TBC1D9B: variants seen among roughly 807,000 people sequenced by gnomAD.
The protein encoded by TBC1D9B is TBC1 domain family member 9B.
In TBC1D9B, 87 loss-of-function variants were observed where a neutral mutation model predicts 121.1. The ratio of observed to expected loss-of-function variants is 0.72; its 90% confidence interval spans 0.60 to 0.86. TBC1D9B has a LOEUF of 0.86. Among genes scored for constraint, TBC1D9B ranks in the 40% least tolerant of loss-of-function variants. TBC1D9B has a pLI of 0.00. For synonymous variants in TBC1D9B, 668 were observed against 670.1 expected (o/e 1.00, Z 0.05); for missense variants, 1,540 against 1,628.6 (o/e 0.95, Z 0.94).
At position 179,875,010 on chromosome 5, in the gene TBC1D9B, T is replaced by C. The variant is rs201063581; in HGVS notation, c.2078A>G (p.Tyr693Cys). 1.5e-5 allele frequency: 24 copies of C among 1,613,872 alleles called. No individual in the cohort carries two copies. The highest frequency in any genetic ancestry group is 2.7e-5 in the African/African-American group (2 of 75,002). The part of the protein sequence containing the change: ...SAVVIVDCFF[Y>C]EGIKVILQVA... Reference sequence around the variant, plus strand: ...CTGCAGGATCACCTTGATGCCCTCATAGAAAAAGCAGTCGACGATGACCAC... The same window carrying C: ...CTGCAGGATCACCTTGATGCCCTCACAGAAAAAGCAGTCGACGATGACCAC... Residue 693 changes from tyrosine (Y) to cysteine (C), a missense_variant, in exon 12 of 21, where the codon TAT becomes TGT. By Grantham distance (194) the Tyr-to-Cys change is radical (BLOSUM62 -2). Coordinates refer to ENST00000355235, the MANE Select transcript of TBC1D9B (RefSeq NM_015043.4). The surrounding 1 kb of genome is among the most constrained non-coding windows in gnomAD (Gnocchi z 4.5).
At chr5:179,897,442 C>T (rs769444228) in intron 3 of TBC1D9B, among the ~76,000 whole-genome samples, 5 of 151,950 alleles carry the variant, frequency 3.3e-5, no homozygotes, top group South Asian at 2.1e-4. Context: ...TCTTCCATTC[C>T]GAGTAGCTGG....
chr5:179,897,973 C>A (rs1761063135), intron 3 of TBC1D9B, among the ~76,000 whole-genome samples: 1 of 152,168 alleles, frequency 6.6e-6, no homozygotes. Context: ...CTGGTAAGAG[C>A]CCTCCCATGA....
At chr5:179,871,696 G>A (rs1186636202) in intron 14 of TBC1D9B, 166 bp from the exon 15 acceptor site, 15 of 632,370 alleles carry the variant, frequency 2.4e-5, no homozygotes, top group Non-Finnish European at 3.8e-5. Context: ...GAGGCCCACA[G>A]CCCATCCCTG....
chr5:179,870,252 C>A lies in TBC1D9B; in HGVS notation c.2725+3G>T. On this transcript the variant is annotated splice_donor_region_variant and intron_variant, in intron 16 of 20. Coordinates refer to ENST00000355235, the MANE Select transcript of TBC1D9B (RefSeq NM_015043.4). ...GCCCCTGGTAGGCCCTGCAGGCACT[C>A]ACTCATCCCTGTCACGAACTCCTTG... is the stretch of plus-strand genomic sequence containing the variant. 2 of 1,613,776 alleles carry A rather than the reference C, an allele frequency of 1.2e-6. No homozygotes were observed. The highest frequency in any genetic ancestry group is 1.1e-5 in the South Asian group (1 of 91,050).
At chr5:179,899,354 G>A (rs1761108276) in intron 2 of TBC1D9B, 47 bp from the exon 3 acceptor site, 1 of 1,510,082 alleles carries the variant, frequency 6.6e-7, no homozygotes, top group Non-Finnish European at 9.2e-7. Context: ...AATTCCCCAG[G>A]CCTTAAACGC....
rs1354823407 is a variant in TBC1D9B at position 179,870,270 on chromosome 5, A to G, written c.2710T>C (p.Phe904Leu). The change falls in exon 16 of 21, where the codon TTC becomes CTC. Residue 904 changes from phenylalanine to leucine, a missense_variant. By Grantham distance (22) the Phe-to-Leu change is conservative (BLOSUM62 0). Coordinates refer to ENST00000355235, the MANE Select transcript of TBC1D9B (RefSeq NM_015043.4). ...AGGCACTCACTCATCCCTGTCACGAACTCCTTGAAGTTGATCAGCGAGTCC... is the reference window on the plus strand; with the variant it reads ...AGGCACTCACTCATCCCTGTCACGAGCTCCTTGAAGTTGATCAGCGAGTCC... ...NKDSLINFKE[F>L]VTGMSGMYHG... The G allele has an allele frequency of 6.2e-7, 1 of 1,613,720 alleles. No individual in the cohort carries two copies. Among genetic ancestry groups the G allele is most frequent in the Non-Finnish European group, 8.5e-7 (1 of 1,179,980 alleles).
In TBC1D9B at chr5:179,864,011, C is replaced by A; in HGVS notation, c.3139G>T (p.Val1047Leu). ...VASLLLRIGEVGKKFSARTGR... is the reference protein window; with the variant it reads ...VASLLLRIGELGKKFSARTGR... ...GTGCGGGCTGAGAACTTCTTCCCCACCTCTCCGATGCGGAGCAGGAGGCTG... is the reference window on the plus strand; with the variant it reads ...GTGCGGGCTGAGAACTTCTTCCCCAACTCTCCGATGCGGAGCAGGAGGCTG... The change falls in exon 21 of 21, where the codon GTG becomes TTG. Residue 1047 changes from valine to leucine, a missense_variant. Transcript: ENST00000355235. 6.2e-7 allele frequency: 1 copy of A among 1,613,816 alleles called. No individual in the cohort carries two copies. The highest frequency in any genetic ancestry group is 8.5e-7 in the Non-Finnish European group (1 of 1,180,038).
chr5:179,870,454 T>C lies in TBC1D9B; in HGVS notation c.2526A>G (p.Thr842=). Residue 842 remains threonine, a synonymous_variant, in exon 16 of 21, where the codon ACA becomes ACG. Coordinates refer to ENST00000355235, the MANE Select transcript of TBC1D9B (RefSeq NM_015043.4). The part of the protein sequence containing the change: ...LASQYWGCSR[T]MAGRRDPSLP... The stretch of plus-strand genomic sequence containing the variant: ...GGCTGGGGTCCCGACGGCCGGCCAT[T>C]GTGCGGCTGCACCCCCAGTACTGGC... 1 of 1,612,738 alleles carries C rather than the reference T, an allele frequency of 6.2e-7. No individual in the cohort carries two copies.
chr5:179,888,282 T>C lies in TBC1D9B; in HGVS notation c.1075A>G (p.Ser359Gly), dbSNP rs1361619063. The change falls in exon 7 of 21, where the codon AGC becomes GGC. Residue 359 changes from serine (S) to glycine (G), a missense_variant. Coordinates refer to ENST00000355235, the MANE Select transcript of TBC1D9B (RefSeq NM_015043.4). ...ATGGACAGGGGGCTGGGCAGCACGC[T>C]GGAGCTGTCAGCTTTTTCGACAATG... is the stretch of plus-strand genomic sequence containing the variant. ...VTIVEKADSSSVLPSPLSIST... is the reference protein window; with the variant it reads ...VTIVEKADSSGVLPSPLSIST... The C allele has an allele frequency of 2.5e-6, 4 of 1,610,482 alleles. No homozygotes were observed. Among genetic ancestry groups the C allele is most frequent in the Non-Finnish European group, 3.4e-6 (4 of 1,179,138 alleles).
intron 2 of TBC1D9B, among the ~76,000 whole-genome samples, chr5:179,901,601 A>G (rs956853265): frequency 2.6e-5 from 4 of 152,118 alleles, no homozygotes; most frequent in Non-Finnish European, 2.9e-5. Flanking sequence ...TCTGGGCAAC[A>G]TGGCTGTCTC....
At position 179,879,650 on chromosome 5, in the gene TBC1D9B, A is replaced by G. The variant is rs928916579; in HGVS notation, c.1394T>C (p.Met465Thr). ...CACCCCCTTGGCTCCAAGGTCCTCC[A>G]TGGGCGAGTTTTTCTGGAAGAGCTT... ...LLKLFQKNSP[M>T]EDLGAKGAKE... Residue 465 changes from methionine (M) to threonine (T), a missense_variant, in exon 8 of 21, where the codon ATG becomes ACG. Physicochemically the swap from Met to Thr is moderately conservative, Grantham distance 81. Transcript: ENST00000355235. The G allele has an allele frequency of 6.2e-7, 1 of 1,614,012 alleles. No homozygotes were observed. Among genetic ancestry groups the G allele is most frequent in the Non-Finnish European group, 8.5e-7 (1 of 1,179,940 alleles).
chr5:179,872,835 G>A, intron 14 of TBC1D9B, 57 bp downstream of exon 14: 1 of 1,561,792 alleles, frequency 6.4e-7, no homozygotes, highest in Non-Finnish European at 8.8e-7. Flanking sequence ...TGCTCTGTGG[G>A]GAAGGCACTG....
intron 1 of TBC1D9B, among the ~76,000 whole-genome samples, chr5:179,905,082 T>G (rs1490771615): frequency 6.6e-6 from 1 of 152,238 alleles, no homozygotes; most frequent in Admixed American, 6.5e-5. Flanking sequence ...ACAAGTTTCA[T>G]GGGGCCAGAG....
At position 179,862,358 on chromosome 5, in the gene TBC1D9B, G is replaced by A. The variant is rs1582067939; in HGVS notation, c.*1090C>T. 1 of 335,798 alleles carries A rather than the reference G, an allele frequency of 3.0e-6. No homozygotes were observed. Among genetic ancestry groups the A allele is most frequent in the East Asian group, 7.6e-5 (1 of 13,172 alleles). The allele number at this position is 335,798 out of a possible 1,614,324, so 20.8% of individuals were successfully genotyped here. On this transcript the variant is annotated 3_prime_UTR_variant, in exon 21 of 21. Coordinates refer to ENST00000355235, the MANE Select transcript of TBC1D9B (RefSeq NM_015043.4). ...TTTCAGCTCCTCATGCAAAGTGAGG[G>A]TATCCTTGTGGCTCCAGCCCTGGGG...
chr5:179,879,815 C>T (rs763801434), intron 7 of TBC1D9B, 26 bp from the exon 8 acceptor site: 8 of 1,586,610 alleles, frequency 5.0e-6, no homozygotes, highest in African/African-American at 1.3e-5. Context: ...GGGAAGGGGA[C>T]GCCCTAACAA....
At chr5:179,894,734 A>G in intron 3 of TBC1D9B, 120 bp from the exon 4 acceptor site, 1 of 892,800 alleles carries the variant, frequency 1.1e-6, no homozygotes, top group Non-Finnish European at 1.7e-6. Context: ...CTACAGGCAC[A>G]GCTGGGAACA....
chr5:179,893,239 C>T lies in TBC1D9B; in HGVS notation c.806G>A (p.Arg269Gln), dbSNP rs1304901447. 14 of 1,612,280 alleles carry T rather than the reference C, an allele frequency of 8.7e-6. No homozygotes were observed. The highest frequency in any genetic ancestry group is 4.0e-5 in the African/African-American group (3 of 74,934). Reference protein sequence around the residue: ...LEDKALPRPIRPHRNISALKR... With the variant: ...LEDKALPRPIQPHRNISALKR... ...CAGGGCTGAGATGTTCCTGTGTGGC[C>T]GGATGGGCCTAGGCAGGGCCTTGTC... Residue 269 changes from arginine to glutamine, a missense_variant, in exon 5 of 21, where the codon CGG (arginine) becomes CAG (glutamine). By Grantham distance (43) the Arg-to-Gln change is conservative (BLOSUM62 1). Coordinates refer to ENST00000355235, the MANE Select transcript of TBC1D9B (RefSeq NM_015043.4).
intron 18 of TBC1D9B, chr5:179,867,455 C>T: frequency 1.3e-6 from 2 of 1,556,938 alleles, no homozygotes; most frequent in Non-Finnish European, 1.7e-6. Context: ...CTTGAGCCTC[C>T]CAGGGCAGGA....
chr5:179,876,621 A>C (rs180984604), intron 10 of TBC1D9B, among the ~76,000 whole-genome samples: 7 of 152,322 alleles, frequency 4.6e-5, no homozygotes, highest in Admixed American at 1.3e-4. Context: ...ATGCTAACCT[A>C]AAGTACAATT....
Sources: gnomAD v4.1 joint callset for allele counts (sites outside exome capture counted in the v4.1 genomes callset) on GRCh38, gnomAD v4.1.1 for gene constraint, Gnocchi (gnomAD v3.1) non-coding constraint, MANE v1.5 for transcripts, NCBI Gene and HGNC (gene_info 2026-07-23, HGNC 2026-07-21) for gene names.